CSMD3: variants seen among roughly 807,000 people sequenced by gnomAD.
The protein encoded by CSMD3 is CUB and Sushi multiple domains 3, also known as CUB and sushi domain-containing protein 3.
A neutral mutation model predicts 435.2 loss-of-function variants in CSMD3; 177 were observed. That is an observed-to-expected ratio of 0.41 (90% CI 0.36 to 0.46). CSMD3 has a LOEUF of 0.46. CSMD3 is among the 20% of genes least tolerant of loss of function. CSMD3 has a pLI of 0.34. For missense variants in CSMD3, 4,265 were observed against 4,504.6 expected, an observed-to-expected ratio of 0.95 and a Z score of 1.52; for synonymous variants, 1,656 against 1,520.5, an observed-to-expected ratio of 1.09 and a Z score of -2.07.
chr8:113,139,509 T>C (rs2091497139), intron 4 of CSMD3, among the ~76,000 whole-genome samples: 1 of 150,990 alleles, frequency 6.6e-6, no homozygotes, highest in Non-Finnish European at 1.5e-5. Context: ...TTTTTATATA[T>C]GTAAATGCAC....
intron 58 of CSMD3, 80 bp from the exon 59 acceptor site, chr8:112,281,430 T>A (rs1307093746): frequency 9.1e-7 from 1 of 1,104,214 alleles, no homozygotes; most frequent in Non-Finnish European, 1.4e-6. Flanking sequence ...ACTAAACGAT[T>A]CTTTCAAATT....
chr8:112,992,035 A>G (rs2085475344), intron 6 of CSMD3, among the ~76,000 whole-genome samples: 1 of 151,940 alleles, frequency 6.6e-6, no homozygotes, highest in Admixed American at 6.6e-5. Flanking sequence ...TGCAATAATC[A>G]AAATAGTAGA....
intron 1 of CSMD3, among the ~76,000 whole-genome samples, chr8:113,429,841 C>T (rs1281839765): frequency 1.3e-5 from 2 of 152,054 alleles, no homozygotes; most frequent in Non-Finnish European, 2.9e-5. Context: ...AATTACTTAT[C>T]CTTTCTTGGC....
chr8:113,194,616 C>T (rs1359357037), intron 3 of CSMD3, among the ~76,000 whole-genome samples: 1 of 151,118 alleles, frequency 6.6e-6, no homozygotes, highest in East Asian at 2.0e-4. Context: ...ATACAGAATG[C>T]TAATCCTGGG....
intron 5 of CSMD3, among the ~76,000 whole-genome samples, chr8:113,041,926 T>G (rs2131290841): frequency 6.6e-6 from 1 of 152,274 alleles, no homozygotes; most frequent in Non-Finnish European, 1.5e-5. Context: ...CAGCTGTCAG[T>G]TTTCTCAGTA....
intron 8 of CSMD3, among the ~76,000 whole-genome samples, chr8:112,954,026 A>C (rs1296722974): frequency 1.3e-5 from 2 of 151,384 alleles, no homozygotes; most frequent in African/African-American, 2.4e-5. Flanking sequence ...CTACTAAAAA[A>C]ATTTCGTGTT....
At chr8:112,417,899 A>G (rs1283676561) in intron 32 of CSMD3, among the ~76,000 whole-genome samples, 1 of 152,176 alleles carries the variant, frequency 6.6e-6, no homozygotes, top group Non-Finnish European at 1.5e-5. Flanking sequence ...ATAAATTCCT[A>G]TTAGATCTAT....
chr8:112,341,774 T>C (rs1265220352), intron 41 of CSMD3, 88 bp from the exon 42 acceptor site: 27 of 875,002 alleles, frequency 3.1e-5, no homozygotes, highest in Non-Finnish European at 5.1e-5. Context: ...TCAATGTACT[T>C]AGATAAGTTT....
intron 8 of CSMD3, among the ~76,000 whole-genome samples, chr8:112,951,697 C>T (rs1457720292): frequency 6.6e-6 from 1 of 151,650 alleles, no homozygotes; most frequent in Non-Finnish European, 1.5e-5. Context: ...CACTCTTTTA[C>T]CTTCTTAGTC....
At chr8:112,833,154 T>C (rs531663121) in intron 11 of CSMD3, among the ~76,000 whole-genome samples, 1 of 152,196 alleles carries the variant, frequency 6.6e-6, no homozygotes, top group South Asian at 2.1e-4. Context: ...CTTGGACCAT[T>C]TGTCTTTCAC....
At chr8:112,507,498 G>A (rs1157513706) in intron 28 of CSMD3, among the ~76,000 whole-genome samples, 1 of 152,064 alleles carries the variant, frequency 6.6e-6, no homozygotes, top group Admixed American at 6.6e-5. Flanking sequence ...ATGGGAGAGT[G>A]GGAAATACAA....
At chr8:112,536,531 G>C (rs1826101991) in intron 27 of CSMD3, among the ~76,000 whole-genome samples, 1 of 152,178 alleles carries the variant, frequency 6.6e-6, no homozygotes, top group African/African-American at 2.4e-5. Context: ...AAGTGCTGGA[G>C]AGGATGTGGA....
intron 5 of CSMD3, among the ~76,000 whole-genome samples, chr8:113,029,050 G>A (rs1158859233): frequency 6.6e-6 from 1 of 151,502 alleles, no homozygotes; most frequent in Non-Finnish European, 1.5e-5. Flanking sequence ...GTTGTCAGGG[G>A]TTAATGAAGC....
chr8:113,097,689 A>G lies in CSMD3; in HGVS notation c.917+1067T>C, dbSNP rs74994754. On this transcript the variant is annotated intron_variant, in intron 5 of 70. Transcript: ENST00000297405. The stretch of plus-strand genomic sequence containing the variant: ...TAGATGGCTTTAATTGCACATCTTG[A>G]AGAATATTCCAATTAAATATATTCA... Among the ~76,000 whole-genome samples, 1,102 of 152,166 alleles carry G rather than the reference A, an allele frequency of 7.2e-3. 15 individuals are homozygous for G. Among genetic ancestry groups the G allele is most frequent in the African/African-American group, 0.025 (1,032 of 41,554 alleles).
chr8:112,685,638 C>T lies in CSMD3; in HGVS notation c.2250G>A (p.Thr750=), dbSNP rs144040661. 27 of 1,613,304 alleles carry T rather than the reference C, an allele frequency of 1.7e-5. No individual in the cohort carries two copies. In the East Asian group the frequency reaches 2.0e-4, roughly 12 times the overall value. Residue 750 remains threonine, a synonymous_variant, in exon 15 of 71, where the codon ACG becomes ACA. Transcript: ENST00000297405. ...GYGNNLNCIW[T]IISDPGSRIH... is the part of the protein sequence containing the mutation. ...TCCGGCTCCCTGGATCAGAGATTAT[C>T]GTCCAGATGCAATTTAAATTATTTC...
At chr8:113,123,337 T>A (rs2091037396) in intron 4 of CSMD3, among the ~76,000 whole-genome samples, 1 of 152,106 alleles carries the variant, frequency 6.6e-6, no homozygotes, top group South Asian at 2.1e-4. Context: ...TTCGTCCTTT[T>A]GAAAATTATG....
At chr8:113,160,241 A>G (rs1317412499) in intron 4 of CSMD3, among the ~76,000 whole-genome samples, 1 of 151,942 alleles carries the variant, frequency 6.6e-6, no homozygotes. Context: ...TTATAATAAC[A>G]AAAGAAATAA....
At chr8:112,695,768 G>A (rs1191164926) in intron 13 of CSMD3, among the ~76,000 whole-genome samples, 3 of 152,116 alleles carry the variant, frequency 2.0e-5, no homozygotes, top group East Asian at 1.9e-4. Context: ...AGGGTATTCA[G>A]TTAGGAAAAG....
intron 2 of CSMD3, among the ~76,000 whole-genome samples, chr8:113,295,258 A>G (rs977128231): frequency 6.6e-6 from 1 of 152,188 alleles, no homozygotes; most frequent in African/African-American, 2.4e-5. Context: ...TCATGTAGAA[A>G]GGTTAAGTGG....
Sources: allele counts gnomAD v4.1 joint callset (sites outside exome capture counted in the v4.1 genomes callset), GRCh38; gene constraint gnomAD v4.1.1; transcripts MANE v1.5; gene names NCBI Gene and HGNC (gene_info 2026-07-23, HGNC 2026-07-21).